Variants in ARHGAP18 observed in about 807,000 individuals in gnomAD.
ARHGAP18 encodes Rho GTPase activating protein 18.
Under a neutral mutation model 86.2 loss-of-function variants are expected in ARHGAP18, and 67 were observed. The ratio of observed to expected loss-of-function variants is 0.78; its 90% CI spans 0.64 to 0.95. ARHGAP18 has a LOEUF of 0.95. Among genes scored for constraint, ARHGAP18 ranks in the 40% least tolerant of loss-of-function variants. The pLI, the probability that ARHGAP18 is intolerant of heterozygous loss-of-function variation, is 0.00. For missense variants in ARHGAP18, 691 were observed against 780.4 expected (o/e 0.89, Z 1.37); for synonymous variants, 283 against 280.4 (o/e 1.01, Z -0.09).
At chr6:129,668,188 C>T (rs7750456) in intron 1 of ARHGAP18, among the ~76,000 whole-genome samples, 78,179 of 151,960 alleles carry the variant, frequency 0.51, 21,042 homozygotes, top group African/African-American at 0.68. Flanking sequence ...AATAGTTCTT[C>T]TCTAGAGATA....
chr6:129,657,833 T>C (rs1350112865), intron 1 of ARHGAP18, among the ~76,000 whole-genome samples: 3 of 152,218 alleles, frequency 2.0e-5, no homozygotes, highest in Non-Finnish European at 4.4e-5. Flanking sequence ...CAATAAGCGA[T>C]GGAGTATGCA....
chr6:129,595,035 C>A (rs998087975), intron 12 of ARHGAP18, among the ~76,000 whole-genome samples: 1 of 152,078 alleles, frequency 6.6e-6, no homozygotes, highest in Non-Finnish European at 1.5e-5. Flanking sequence ...CCACTAATTC[C>A]TATCTAGATA....
intron 1 of ARHGAP18, among the ~76,000 whole-genome samples, chr6:129,690,915 T>C (rs770561096): frequency 7.2e-5 from 11 of 152,204 alleles, no homozygotes; most frequent in Non-Finnish European, 1.5e-4. Context: ...AATGCTATCA[T>C]TACTTATTCA....
At chr6:129,601,366 G>A (rs1788739522) in intron 10 of ARHGAP18, among the ~76,000 whole-genome samples, 1 of 152,102 alleles carries the variant, frequency 6.6e-6, no homozygotes. Context: ...CCCAGGCACT[G>A]GGCATGGTGG....
At chr6:129,660,908 T>C (rs922957432) in intron 1 of ARHGAP18, among the ~76,000 whole-genome samples, 1 of 151,362 alleles carries the variant, frequency 6.6e-6, no homozygotes, top group Non-Finnish European at 1.5e-5. Flanking sequence ...ATGTTTGGAA[T>C]TGAAATAAAG....
At chr6:129,607,306 G>A (rs1156289733) in intron 9 of ARHGAP18, among the ~76,000 whole-genome samples, 1 of 152,116 alleles carries the variant, frequency 6.6e-6, no homozygotes, top group East Asian at 1.9e-4. Flanking sequence ...AGGTTCACTG[G>A]AAAAAGAATC....
intron 8 of ARHGAP18, among the ~76,000 whole-genome samples, chr6:129,609,233 A>G (rs1187489618): frequency 1.3e-5 from 2 of 152,196 alleles, no homozygotes; most frequent in Middle Eastern, 3.4e-3. Flanking sequence ...GGCCAGGGGG[A>G]AAAGAGACAA....
intron 1 of ARHGAP18, among the ~76,000 whole-genome samples, chr6:129,693,210 C>A (rs1774557198): frequency 6.6e-6 from 1 of 152,188 alleles, no homozygotes; most frequent in Non-Finnish European, 1.5e-5. Context: ...CTGAAACAAT[C>A]TAGATTGTTG....
At chr6:129,669,692 G>A (rs76859568) in intron 1 of ARHGAP18, among the ~76,000 whole-genome samples, 9,513 of 151,736 alleles carry the variant, frequency 0.063, 436 homozygotes, top group Middle Eastern at 0.11. Flanking sequence ...GGCTGAGGCA[G>A]GAGAATCGCT....
chr6:129,582,593 C>G (rs1562675462), intron 13 of ARHGAP18, among the ~76,000 whole-genome samples: 1 of 152,156 alleles, frequency 6.6e-6, no homozygotes, highest in Non-Finnish European at 1.5e-5. Context: ...CTGCAAGACA[C>G]TATAGGGAGC....
chr6:129,586,430 A>G (rs545214612), intron 12 of ARHGAP18, among the ~76,000 whole-genome samples: 1 of 152,252 alleles, frequency 6.6e-6, no homozygotes, highest in African/African-American at 2.4e-5. Flanking sequence ...AATATTATTT[A>G]CTATTGTGGA....
intron 13 of ARHGAP18, 43 bp downstream of exon 13, chr6:129,583,945 G>A: frequency 3.8e-6 from 6 of 1,581,696 alleles, no homozygotes; most frequent in Non-Finnish European, 5.2e-6. Flanking sequence ...GAGAGAGCAA[G>A]TGACTTATGC....
intron 1 of ARHGAP18, among the ~76,000 whole-genome samples, chr6:129,655,317 C>CAAAAAAAAAAAAAAAAAAAAAAA: frequency 1.3e-5 from 1 of 75,090 alleles, no homozygotes. Context: ...AAAACTCTCT[C>CAAAAAAAAAAAAAAAAAAAAAAA]AAAAAAAAAA....
intron 1 of ARHGAP18, among the ~76,000 whole-genome samples, chr6:129,688,043 G>C (rs1774461772): frequency 6.6e-6 from 1 of 152,052 alleles, no homozygotes; most frequent in Non-Finnish European, 1.5e-5. Flanking sequence ...CTGAAGAGTG[G>C]GCAGTTCACA....
intron 2 of ARHGAP18, among the ~76,000 whole-genome samples, chr6:129,639,806 A>C (rs1562705559): frequency 1.3e-5 from 2 of 152,146 alleles, no homozygotes; most frequent in African/African-American, 4.8e-5. Flanking sequence ...GCACTTTGGG[A>C]AGCTGAGGTG....
chr6:129,691,791 C>T (rs972533555), intron 1 of ARHGAP18, among the ~76,000 whole-genome samples: 1 of 152,134 alleles, frequency 6.6e-6, no homozygotes, highest in Non-Finnish European at 1.5e-5. Context: ...TTTCTGGTTC[C>T]CAAAAGGCTT....
At chr6:129,683,600 G>C (rs561675706) in intron 1 of ARHGAP18, among the ~76,000 whole-genome samples, 2 of 152,270 alleles carry the variant, frequency 1.3e-5, no homozygotes, top group African/African-American at 4.8e-5. Context: ...ATGAATTACA[G>C]AGCGGAATGA....
chr6:129,605,951 T>C lies in ARHGAP18; in HGVS notation c.1291A>G (p.Thr431Ala). 2 of 1,613,354 alleles carry C rather than the reference T, an allele frequency of 1.2e-6. No individual in the cohort carries two copies. The highest frequency in any genetic ancestry group is 1.1e-5 in the South Asian group (1 of 91,078). ...AAAGCCTGTAGTTGCTGCTTCTTGGTTGGAAGATCTGCAGACAAATTAAAT... is the reference window on the plus strand; with the variant it reads ...AAAGCCTGTAGTTGCTGCTTCTTGGCTGGAAGATCTGCAGACAAATTAAAT... ...KAFQAVQNLP[T>A]KKQQLQALNL... Residue 431 changes from threonine (T) to alanine (A), a missense_variant, in exon 10 of 15, where the codon ACC (threonine) becomes GCC (alanine). Physicochemically the swap from Thr to Ala is moderately conservative, Grantham distance 58. Transcript: ENST00000368149.
At chr6:129,707,266 C>T (rs1040231747) in intron 1 of ARHGAP18, among the ~76,000 whole-genome samples, 13 of 151,528 alleles carry the variant, frequency 8.6e-5, no homozygotes, top group African/African-American at 1.2e-4. Flanking sequence ...TCAATAAATA[C>T]GCTAAGTCAT....
Sources: allele counts gnomAD v4.1 joint callset (sites outside exome capture counted in the v4.1 genomes callset), GRCh38; gene constraint gnomAD v4.1.1; transcripts MANE v1.5; gene names NCBI Gene and HGNC (gene_info 2026-07-23, HGNC 2026-07-21).